The following ANXA8 variants were observed in gnomAD, a reference collection of about 807,000 sequenced individuals.
ANXA8 encodes the protein VAC-beta.
Under a neutral mutation model 26.8 loss-of-function variants are expected in ANXA8, and 9 were observed. That is an observed-to-expected ratio of 0.34 (90% CI 0.20 to 0.59). The LOEUF is 0.59. Ranked by LOEUF, ANXA8 falls within the 20% of genes least tolerant of loss-of-function variation. ANXA8 has a pLI of 0.84. For synonymous variants in ANXA8, 39 were observed against 94.8 expected (o/e 0.41, Z 3.42); for missense variants, 83 against 238.5 (o/e 0.35, Z 4.29).
chr10:47,500,450 CA>C, the ANXA8 span, among the ~76,000 whole-genome samples: 4 of 150,868 alleles, frequency 2.7e-5, no homozygotes, highest in African/African-American at 9.8e-5. Context: ...CAGCTGCCTT[CA>C]TAAGGCACCT....
At chr10:47,656,205 T>C in the ANXA8 span, among the ~76,000 whole-genome samples, 20 of 151,638 alleles carry the variant, frequency 1.3e-4, no homozygotes, top group East Asian at 3.9e-4. Flanking sequence ...GAAACCAGCC[T>C]GGGCAACATG....
At chr10:47,733,143 A>ATCCTT in the ANXA8 span, among the ~76,000 whole-genome samples, 1 of 98,066 alleles carries the variant, frequency 1.0e-5, no homozygotes, top group African/African-American at 3.8e-5. Flanking sequence ...CAACTCCCTA[A>ATCCTT]TCTTTCTTTC....
the ANXA8 span, among the ~76,000 whole-genome samples, chr10:47,530,704 A>G: frequency 2.2e-5 from 3 of 137,870 alleles, 1 homozygote; most frequent in African/African-American, 8.1e-5. Context: ...AAAAAAAAAA[A>G]AGAAAAAAGA....
chr10:47,954,332 C>G, the ANXA8 span, among the ~76,000 whole-genome samples: 2 of 150,964 alleles, frequency 1.3e-5, no homozygotes, highest in Non-Finnish European at 2.9e-5. Context: ...TTTGTGGGAG[C>G]TAAAAATTAA....
the ANXA8 span, among the ~76,000 whole-genome samples, chr10:47,651,446 A>G: frequency 4.0e-5 from 6 of 151,406 alleles, no homozygotes; most frequent in Admixed American, 6.6e-5. Flanking sequence ...TACAGTTGCC[A>G]TATGACACAG....
At chr10:47,775,537 A>G in the ANXA8 span, among the ~76,000 whole-genome samples, 1 of 110,726 alleles carries the variant, frequency 9.0e-6, no homozygotes, top group African/African-American at 3.5e-5. Context: ...TAAAAGAGAG[A>G]GGTGCCAGTT....
At chr10:47,663,446 C>T in the ANXA8 span, among the ~76,000 whole-genome samples, 2 of 137,956 alleles carry the variant, frequency 1.4e-5, no homozygotes, top group African/African-American at 6.3e-5. Flanking sequence ...AGTGCAATGA[C>T]ATCATCATGG....
chr10:47,956,622 C>A, the ANXA8 span, among the ~76,000 whole-genome samples: 2 of 150,842 alleles, frequency 1.3e-5, no homozygotes, highest in Admixed American at 6.6e-5. Context: ...TCCCTCCCAT[C>A]CCCACTGGCG....
chr10:47,551,372 C>A, the ANXA8 span, among the ~76,000 whole-genome samples: 1 of 150,886 alleles, frequency 6.6e-6, no homozygotes, highest in Non-Finnish European at 1.5e-5. Flanking sequence ...CTAAGAATAT[C>A]ATAAGGACTC....
chr10:47,688,203 C>T, the ANXA8 span, among the ~76,000 whole-genome samples: 1 of 148,496 alleles, frequency 6.7e-6, no homozygotes, highest in Middle Eastern at 3.5e-3. Context: ...AAGTAATCCT[C>T]CCACCTCAGC....
chr10:47,671,086 G>T, the ANXA8 span, among the ~76,000 whole-genome samples: 1 of 151,874 alleles, frequency 6.6e-6, no homozygotes, highest in African/African-American at 2.4e-5. Flanking sequence ...CAGTCAAAAA[G>T]CTATTTTTAA....
the ANXA8 span, among the ~76,000 whole-genome samples, chr10:47,755,087 G>A: frequency 6.7e-6 from 1 of 149,460 alleles, no homozygotes; most frequent in East Asian, 2.0e-4. Flanking sequence ...CTCCCGAGTA[G>A]TTGGGCCTAC....
At chr10:47,551,237 G>T in the ANXA8 span, among the ~76,000 whole-genome samples, 1 of 151,734 alleles carries the variant, frequency 6.6e-6, no homozygotes, top group Admixed American at 6.6e-5. Flanking sequence ...CTTACTGGTT[G>T]TATGATTGGA....
the ANXA8 span, among the ~76,000 whole-genome samples, chr10:47,552,774 T>G: frequency 6.6e-6 from 1 of 151,860 alleles, no homozygotes; most frequent in African/African-American, 2.4e-5. Flanking sequence ...TTTCATTCAG[T>G]TAAGGTCCTG....
chr10:47,719,128 G>A, the ANXA8 span, among the ~76,000 whole-genome samples: 718 of 124,146 alleles, frequency 5.8e-3, 28 homozygotes, highest in Non-Finnish European at 8.4e-3. Context: ...TTTACGTAGA[G>A]AGAAGAAGAA....
chr10:47,704,726 T>C, the ANXA8 span, among the ~76,000 whole-genome samples: 16 of 152,102 alleles, frequency 1.1e-4, no homozygotes, highest in South Asian at 3.1e-3. Flanking sequence ...GTCAATCACA[T>C]TTCTAGAGTA....
the ANXA8 span, among the ~76,000 whole-genome samples, chr10:47,631,345 G>A: frequency 6.6e-6 from 1 of 151,868 alleles, no homozygotes; most frequent in Admixed American, 6.6e-5. Context: ...GTAAGTAAGA[G>A]TCTATTTCTT....
chr10:47,656,186 C>T, the ANXA8 span, among the ~76,000 whole-genome samples: 4 of 151,630 alleles, frequency 2.6e-5, no homozygotes, highest in Non-Finnish European at 2.9e-5. Context: ...GGCTTGAGCC[C>T]AGGAGTTTGA....
chr10:47,673,845 T>C, the ANXA8 span, among the ~76,000 whole-genome samples: 1 of 150,180 alleles, frequency 6.7e-6, no homozygotes, highest in Middle Eastern at 3.4e-3. Context: ...ATATTTGTTA[T>C]AATTAATGAA....
Sources: gnomAD v4.1 joint callset for allele counts (sites outside exome capture counted in the v4.1 genomes callset) on GRCh38, gnomAD v4.1.1 for gene constraint, MANE v1.5 for transcripts, NCBI Gene and HGNC (gene_info 2026-07-23, HGNC 2026-07-21) for gene names.